The following USP43 variants were observed in gnomAD, a reference collection of about 807,000 sequenced individuals.
USP43 encodes the protein ubiquitin specific peptidase 43.
A neutral mutation model predicts 90.7 loss-of-function variants in USP43; 33 were observed. That is an observed-to-expected ratio of 0.36 (90% confidence interval 0.28 to 0.49). The LOEUF (loss-of-function observed/expected upper bound fraction) is 0.49. Ranked by LOEUF, USP43 falls within the 20% of genes least tolerant of loss-of-function variation. The pLI is 0.98. For synonymous variants in USP43, 598 were observed against 615.8 expected (o/e 0.97, Z 0.43); for missense variants, 1,274 against 1,476.4 (o/e 0.86, Z 2.25).
chr17:9,705,463 T>A (rs902525074), intron 12 of USP43, among the ~76,000 whole-genome samples: 1 of 152,072 alleles, frequency 6.6e-6, no homozygotes, highest in Non-Finnish European at 1.5e-5. Flanking sequence ...CTATTACAAA[T>A]GTTGCTGTCG....
In USP43 at chr17:9,709,166, G is replaced by A. The variant is rs1045306867; in HGVS notation, c.2012-790G>A. 1.3e-5 allele frequency among the ~76,000 whole-genome samples: 2 copies of A among 152,252 alleles called. No homozygotes were observed. The highest frequency in any genetic ancestry group is 2.9e-5 in the Non-Finnish European group (2 of 68,020). ...GCAAGGAAACGGATATTTTGTTGTCGTTACTTGAGAAATGGTGAGAATATT... is the reference window on the plus strand; with the variant it reads ...GCAAGGAAACGGATATTTTGTTGTCATTACTTGAGAAATGGTGAGAATATT... On this transcript the variant is annotated intron_variant, in intron 12 of 14. Transcript: ENST00000285199. The surrounding 1 kb of genome is among the most constrained non-coding windows in gnomAD (Gnocchi z 5.0).
Position 9,701,882 on chromosome 17 carries a change from C to T in USP43, c.2011+182C>T, listed in dbSNP as rs1200571929. Among the ~76,000 whole-genome samples the T allele has an allele frequency of 6.6e-6, 1 of 152,160 alleles. No individual in the cohort carries two copies. Among genetic ancestry groups the T allele is most frequent in the East Asian group, 1.9e-4 (1 of 5,184 alleles). On this transcript the variant is annotated intron_variant, in intron 12 of 14. Coordinates refer to ENST00000285199, the MANE Select transcript of USP43 (RefSeq NM_153210.5). This position sits in a 1 kb window ranked among gnomAD's most constrained non-coding sequence, Gnocchi z 7.2. ...AAGATGAATAAGCCAAGGACCTGCC[C>T]TGTAGGAGCTGGTGGGGGAGAGAGA... is the stretch of plus-strand genomic sequence containing the variant.
In USP43 at chr17:9,722,099, C is replaced by T. The variant is rs146640626; in HGVS notation, c.2336-5855C>T. 1.8e-4 allele frequency among the ~76,000 whole-genome samples: 27 copies of T among 152,186 alleles called. 1 individual carries two copies. In the East Asian group the frequency reaches 4.8e-3, roughly 27 times the overall value. Reference sequence around the variant, plus strand: ...AATTTTCGCTTTATCTTGTTAGCTGCTTTGTTACTAGGTGTCTACGGGTTT... The same window carrying T: ...AATTTTCGCTTTATCTTGTTAGCTGTTTTGTTACTAGGTGTCTACGGGTTT... On this transcript the variant is annotated intron_variant, in intron 14 of 14. Coordinates refer to ENST00000285199, the MANE Select transcript of USP43 (RefSeq NM_153210.5).
chr17:9,720,321 CAAA>C (rs980644442), intron 14 of USP43, among the ~76,000 whole-genome samples: 7 of 43,720 alleles, frequency 1.6e-4, no homozygotes, highest in South Asian at 1.1e-3. Context: ...GACTCCATCT[CAAA>C]AAAAAAAAAA....
chr17:9,701,589 C>T lies in USP43; in HGVS notation c.1900C>T (p.Pro634Ser), dbSNP rs991134023. 2 of 1,575,848 alleles carry T rather than the reference C, an allele frequency of 1.3e-6. No individual in the cohort carries two copies. Among genetic ancestry groups the T allele is most frequent in the African/African-American group, 1.3e-5 (1 of 74,076 alleles). ...TSPEAGLGPWPSWKQPDCLPT... is the reference protein window; with the variant it reads ...TSPEAGLGPWSSWKQPDCLPT... Reference sequence around the variant, plus strand: ...CCCTGAGGCAGGACTGGGCCCCTGGCCTTCCTGGAAGCAGCCGGACTGCCT... The same window carrying T: ...CCCTGAGGCAGGACTGGGCCCCTGGTCTTCCTGGAAGCAGCCGGACTGCCT... Residue 634 changes from proline (P) to serine (S), a missense_variant, in exon 12 of 15, where the codon CCT (proline) becomes TCT (serine). Pro to Ser is a moderately conservative substitution (Grantham distance 74, BLOSUM62 -1). This residue lies in a region of USP43 where 285 missense variants were observed against 349.6 expected (regional missense o/e 0.82). Transcript: ENST00000285199. This position sits in a 1 kb window ranked among gnomAD's most constrained non-coding sequence, Gnocchi z 7.2.
At position 9,675,045 on chromosome 17, in the gene USP43, G is replaced by T. The variant is rs1398855788; in HGVS notation, c.833+62G>T. 3.4e-6 allele frequency: 5 copies of T among 1,458,530 alleles called. No individual in the cohort carries two copies. The East Asian group carries it at 9.1e-5, about 26-fold the overall frequency. 90.3% of individuals were successfully genotyped at this position (1,458,530 alleles called of 1,614,324 possible). The stretch of plus-strand genomic sequence containing the variant: ...TTCCATCCTTACTCATTACGGGGAA[G>T]CTTCTGGCCTCACACCTGCCATTTT... On this transcript the variant is annotated intron_variant, in intron 4 of 14. Coordinates refer to ENST00000285199, the MANE Select transcript of USP43 (RefSeq NM_153210.5).
chr17:9,703,332 A>C (rs1426093447), intron 12 of USP43, among the ~76,000 whole-genome samples: 2 of 152,132 alleles, frequency 1.3e-5, no homozygotes, highest in African/African-American at 4.8e-5. Context: ...GCCCCACATA[A>C]ATTAAGGGCA....
At chr17:9,719,643 A>C (rs1263913572) in intron 14 of USP43, among the ~76,000 whole-genome samples, 7 of 152,186 alleles carry the variant, frequency 4.6e-5, no homozygotes, top group Non-Finnish European at 8.8e-5. Context: ...CATACATTCC[A>C]GATTAGAGTC....
At position 9,712,179 on chromosome 17, in the gene USP43, C is replaced by G. The variant is rs548763069; in HGVS notation, c.2335+47C>G. ...GGTTGATTTTCATTTTCTGTAATGT[C>G]TGTTGTTATTGCTCAGTATGAAAGC... On this transcript the variant is annotated intron_variant, in intron 14 of 14. Coordinates refer to ENST00000285199, the MANE Select transcript of USP43 (RefSeq NM_153210.5). The G allele has an allele frequency of 2.1e-4, 311 of 1,510,670 alleles. 7 individuals carry two copies. In the South Asian group the frequency reaches 3.4e-3, roughly 17 times the overall value. 93.6% of individuals were successfully genotyped at this position (1,510,670 alleles called of 1,614,324 possible). A position where few individuals can be genotyped will look rare whatever the true frequency, so the allele number is the denominator to read the frequency against.
At chr17:9,699,010 C>T (rs1723397222) in intron 9 of USP43, among the ~76,000 whole-genome samples, 1 of 152,154 alleles carries the variant, frequency 6.6e-6, no homozygotes. Flanking sequence ...ATCTAGGGGT[C>T]CTCAGTCTGT....
chr17:9,692,624 A>G (rs1915023801), intron 8 of USP43, among the ~76,000 whole-genome samples: 1 of 152,256 alleles, frequency 6.6e-6, no homozygotes, highest in Non-Finnish European at 1.5e-5. Context: ...TTAAAATATA[A>G]TAAACACATA....
Position 9,645,550 on chromosome 17 carries a change from C to T in USP43, c.-83C>T. On this transcript the variant is annotated 5_prime_UTR_variant, in exon 1 of 15. Coordinates refer to ENST00000285199, the MANE Select transcript of USP43 (RefSeq NM_153210.5). The surrounding 1 kb of genome is among the most constrained non-coding windows in gnomAD (Gnocchi z 6.8). ...CCCGCAGGTAGCCGGCACCAGGAGC[C>T]TTAGAGAAGCTGTAGGGCCTGCTGG... 1 of 1,141,110 alleles carries T rather than the reference C, an allele frequency of 8.8e-7. No individual in the cohort carries two copies. Among genetic ancestry groups the T allele is most frequent in the African/African-American group, 1.6e-5 (1 of 61,390 alleles). The allele number at this position is 1,141,110 out of a possible 1,614,324, so 70.7% of individuals were successfully genotyped here.
At chr17:9,661,485 G>A (rs1357200221) in intron 2 of USP43, among the ~76,000 whole-genome samples, 1 of 151,992 alleles carries the variant, frequency 6.6e-6, no homozygotes, top group Non-Finnish European at 1.5e-5. Flanking sequence ...GCCCCCGACT[G>A]AGTAGCTGTG....
chr17:9,717,158 C>CAAA (rs34421871), intron 14 of USP43, among the ~76,000 whole-genome samples: 2 of 81,830 alleles, frequency 2.4e-5, no homozygotes, highest in Non-Finnish European at 5.4e-5. Context: ...GACTCCCTCT[C>CAAA]AAAAAAAAAA....
Position 9,645,769 on chromosome 17 carries a change from C to T in USP43, c.137C>T (p.Pro46Leu). The change falls in exon 1 of 15, where the codon CCC becomes CTC. Residue 46 changes from proline (P) to leucine (L), a missense_variant. By Grantham distance (98) the Pro-to-Leu change is moderately conservative. This residue lies in a region of USP43 where 112 missense variants were observed against 106.6 expected (regional missense o/e 1.05). Coordinates refer to ENST00000285199, the MANE Select transcript of USP43 (RefSeq NM_153210.5). The surrounding 1 kb of genome is among the most constrained non-coding windows in gnomAD (Gnocchi z 6.8). Reference protein sequence around the residue: ...GSRSRPGDSPPRPQPGHCDGD... With the variant: ...GSRSRPGDSPLRPQPGHCDGD... ...CGCTCACGCCCCGGGGACTCACCGC[C>T]CCGGCCCCAGCCGGGACACTGTGAT... 2.2e-6 allele frequency: 3 copies of T among 1,395,200 alleles called. No individual in the cohort carries two copies. The East Asian group carries it at 9.2e-5, about 43-fold the overall frequency. The allele number at this position is 1,395,200 out of a possible 1,614,324, so 86.4% of individuals were successfully genotyped here.
At chr17:9,661,731 G>A (rs1912653816) in intron 2 of USP43, among the ~76,000 whole-genome samples, 1 of 152,156 alleles carries the variant, frequency 6.6e-6, no homozygotes, top group Admixed American at 6.5e-5. Flanking sequence ...GAGAGAGGCT[G>A]TCATTCAGCT....
rs143589437 is a variant in USP43 at position 9,702,583 on chromosome 17, C to A, written c.2011+883C>A. Among the ~76,000 whole-genome samples the A allele has an allele frequency of 1.3e-3, 196 of 152,238 alleles. 3 individuals are homozygous for A. In the East Asian group the frequency reaches 0.035, roughly 27 times the overall value. ...TGAAGGGAAGGGCATAAACAAATGGCCAGATTTTCTCAATCGTTCATAATC... is the reference window on the plus strand; with the variant it reads ...TGAAGGGAAGGGCATAAACAAATGGACAGATTTTCTCAATCGTTCATAATC... On this transcript the variant is annotated intron_variant, in intron 12 of 14. Transcript: ENST00000285199.
At chr17:9,704,454 C>T (rs114249585) in intron 12 of USP43, among the ~76,000 whole-genome samples, 2,219 of 152,082 alleles carry the variant, frequency 0.015, 53 homozygotes, top group African/African-American at 0.049. Context: ...GGGCTGGCCA[C>T]GGTGGTGCTC....
rs753645778 is a variant in USP43, at chr17:9,712,016, G to A, written c.2219G>A (p.Ser740Asn). Residue 740 changes from serine to asparagine, a missense_variant, in exon 14 of 15, where the codon AGC becomes AAC. By Grantham distance (46) the Ser-to-Asn change is conservative. Transcript: ENST00000285199. ...LSDHWLLRLG[S>N]HAGSTRGSLL... ...GATCACTGGCTCTTACGGCTCGGGA[G>A]CCACGCTGGCAGCACAAGGGGAAGC... The A allele has an allele frequency of 1.3e-5, 21 of 1,611,538 alleles. No homozygotes were observed. The highest frequency in any genetic ancestry group is 1.8e-5 in the Non-Finnish European group (21 of 1,178,888).
Sources: gnomAD v4.1 joint callset for allele counts (sites outside exome capture counted in the v4.1 genomes callset) on GRCh38, gnomAD v4.1.1 for gene constraint, gnomAD v4.1.1 regional missense constraint, Gnocchi (gnomAD v3.1) non-coding constraint, MANE v1.5 for transcripts, NCBI Gene and HGNC (gene_info 2026-07-23, HGNC 2026-07-21) for gene names.